The following PCYT1B variants were observed in gnomAD, a reference collection of about 807,000 sequenced individuals.
PCYT1B encodes phosphate cytidylyltransferase 1B, choline.
PCYT1B carries 10 observed loss-of-function variants against 26.4 expected under a neutral mutation model. That is an observed-to-expected ratio of 0.38 (90% CI 0.23 to 0.64). The LOEUF is 0.64. Among genes scored for constraint, PCYT1B ranks in the 30% least tolerant of loss-of-function variants. The pLI is 0.56. For missense variants in PCYT1B, 161 were observed against 292.7 expected, an observed-to-expected ratio of 0.55 and a Z score of 3.28; for synonymous variants, 131 against 108.4, an observed-to-expected ratio of 1.21 and a Z score of -1.29.
intron 3 of PCYT1B, among the ~76,000 whole-genome samples, chrX:24,596,800 A>G (rs1190586953): frequency 9.0e-6 from 1 of 111,194 alleles, no homozygotes; most frequent in African/African-American, 3.3e-5. Context: ...TGGTTTCATG[A>G]GTGAAGTCTT....
intron 1 of PCYT1B, 126 bp from the exon 2 acceptor site, chrX:24,619,210 T>C: frequency 3.8e-6 from 2 of 520,569 alleles, no homozygotes; most frequent in Middle Eastern, 6.5e-4. Flanking sequence ...CCACTGAGTC[T>C]CAGAGAAATA....
At chrX:24,580,243 A>G (rs1217230198) in intron 5 of PCYT1B, among the ~76,000 whole-genome samples, 1 of 112,603 alleles carries the variant, frequency 8.9e-6, no homozygotes, top group Non-Finnish European at 1.9e-5. Flanking sequence ...CTGTCTTTGC[A>G]TCCCCAGCAC....
At chrX:24,641,488 T>C (rs184548105) in intron 1 of PCYT1B, among the ~76,000 whole-genome samples, 133 of 112,387 alleles carry the variant, frequency 1.2e-3, no homozygotes, top group African/African-American at 4.2e-3. Context: ...TAGTTATGAC[T>C]ACATATATGT....
At chrX:24,650,584 A>C (rs1324088299), upstream of PCYT1B, among the ~76,000 whole-genome samples, 1 of 111,809 alleles carries the variant, frequency 8.9e-6, no homozygotes, top group Non-Finnish European at 1.9e-5. Context: ...GGCCTCCCAA[A>C]GTGCTAGGAT....
At chrX:24,653,471 G>A (rs775606882) in intron 1 of PCYT1B, among the ~76,000 whole-genome samples, 1 of 111,600 alleles carries the variant, frequency 9.0e-6, no homozygotes, top group East Asian at 2.8e-4. Context: ...ATAGAAGTCA[G>A]TGTATAAATA....
chrX:24,588,093 C>A (rs1484428612), intron 4 of PCYT1B, among the ~76,000 whole-genome samples: 1 of 112,031 alleles, frequency 8.9e-6, no homozygotes, highest in Non-Finnish European at 1.9e-5. Context: ...CTTGGGGAGA[C>A]CCAAACCTTG....
chrX:24,644,097 T>C (rs1349957735), intron 1 of PCYT1B, among the ~76,000 whole-genome samples: 1 of 112,367 alleles, frequency 8.9e-6, no homozygotes, highest in Non-Finnish European at 1.9e-5. Flanking sequence ...TTTCATGTTT[T>C]CACTTGCTGC....
intron 2 of PCYT1B, among the ~76,000 whole-genome samples, chrX:24,613,632 A>C (rs1312560718): frequency 9.0e-6 from 1 of 111,351 alleles, no homozygotes; most frequent in Non-Finnish European, 1.9e-5. Context: ...GAAAGTAGAA[A>C]ATCAGAACCG....
rs1454557359 is a variant in PCYT1B at position 24,560,556 on chromosome X, C to T, written c.*1737G>A. On this transcript the variant is annotated 3_prime_UTR_variant, in exon 8 of 8. Transcript: ENST00000379144. ...CCAGAGTCCTGGAGAAGGAAAGTGC[C>T]AAGAACAAAGAGGTTCCAAGCCAGC... is the stretch of plus-strand genomic sequence containing the variant. 1.8e-5 allele frequency: 2 copies of T among 112,018 alleles called. No individual in the cohort carries two copies. Among genetic ancestry groups the T allele is most frequent in the Non-Finnish European group, 3.8e-5 (2 of 53,156 alleles). 9.2% of individuals were successfully genotyped at this position (112,018 alleles called of 1,213,427 possible).
intron 1 of PCYT1B, among the ~76,000 whole-genome samples, chrX:24,637,479 T>TAAA (rs1201643219): frequency 0.011 from 636 of 59,181 alleles, 17 homozygotes; most frequent in African/African-American, 0.023. Flanking sequence ...CCATCTCTAC[T>TAAA]AAAAAAAAAA....
At chrX:24,648,732 G>A (rs1481617863), upstream of PCYT1B, among the ~76,000 whole-genome samples, 1 of 110,180 alleles carries the variant, frequency 9.1e-6, no homozygotes, top group East Asian at 2.8e-4. Flanking sequence ...TAAGTCTGGG[G>A]TGGGGTCAGA....
chrX:24,608,315 A>G (rs994614644), intron 2 of PCYT1B, among the ~76,000 whole-genome samples: 1 of 111,733 alleles, frequency 8.9e-6, no homozygotes, highest in African/African-American at 3.3e-5. Context: ...GGCTCACCTT[A>G]CAACCTTTCT....
intron 1 of PCYT1B, among the ~76,000 whole-genome samples, chrX:24,626,189 G>A (rs1048052453): frequency 6.3e-5 from 7 of 111,643 alleles, no homozygotes; most frequent in African/African-American, 2.3e-4. Context: ...GTCACATGGG[G>A]CTATTTAAAT....
intron 1 of PCYT1B, among the ~76,000 whole-genome samples, chrX:24,638,401 C>G (rs1171982151): frequency 4.5e-5 from 5 of 111,636 alleles, no homozygotes; most frequent in African/African-American, 1.6e-4. Flanking sequence ...AGCTTCCCAG[C>G]CTCCCATACA....
At chrX:24,573,577 C>G (rs1224758705) in intron 7 of PCYT1B, among the ~76,000 whole-genome samples, 2 of 110,782 alleles carry the variant, frequency 1.8e-5, no homozygotes, top group African/African-American at 6.6e-5. Context: ...CATTAAAAAC[C>G]ACTAGTTGTT....
intron 5 of PCYT1B, among the ~76,000 whole-genome samples, chrX:24,581,146 C>G (rs1369537172): frequency 8.9e-6 from 1 of 112,235 alleles, no homozygotes; most frequent in Non-Finnish European, 1.9e-5. Context: ...TTCTACAGAG[C>G]ATTCTTACTA....
At chrX:24,623,680 T>C (rs1157728011) in intron 1 of PCYT1B, among the ~76,000 whole-genome samples, 2 of 111,622 alleles carry the variant, frequency 1.8e-5, no homozygotes, top group African/African-American at 6.5e-5. Flanking sequence ...TTCATCAGGC[T>C]TTTAAAGAAG....
chrX:24,659,825 T>C (rs997897044), intron 1 of PCYT1B, among the ~76,000 whole-genome samples: 8 of 111,873 alleles, frequency 7.2e-5, no homozygotes, highest in African/African-American at 2.6e-4. Context: ...TTAATGACTT[T>C]AATCCACTCA....
At chrX:24,569,628 T>C (rs1923754595) in intron 7 of PCYT1B, among the ~76,000 whole-genome samples, 2 of 112,143 alleles carry the variant, frequency 1.8e-5, no homozygotes, top group African/African-American at 6.5e-5. Context: ...GAAGACATCA[T>C]GCTAAGTGAA....
Sources: allele counts gnomAD v4.1 joint callset (sites outside exome capture counted in the v4.1 genomes callset), GRCh38; gene constraint gnomAD v4.1.1; transcripts MANE v1.5; gene names NCBI Gene and HGNC (gene_info 2026-07-23, HGNC 2026-07-21).